The following AFG2A variants were observed in gnomAD, a reference collection of about 807,000 sequenced individuals.
AFG2A encodes AAA ATPase AFG2A, also known as ATPase family gene 2 protein homolog A.
At chr4:123,138,864 A>G in the AFG2A span, among the ~76,000 whole-genome samples, 2 of 152,066 alleles carry the variant, frequency 1.3e-5, no homozygotes, top group Non-Finnish European at 2.9e-5. Flanking sequence ...AGGATACCAG[A>G]GTTGAATAAA....
chr4:123,284,498 C>T, the AFG2A span, among the ~76,000 whole-genome samples: 3 of 152,154 alleles, frequency 2.0e-5, no homozygotes, highest in Non-Finnish European at 4.4e-5. Flanking sequence ...TTTTAGAATA[C>T]TTCTAGGTGT....
chr4:123,057,321 A>G, the AFG2A span: 31 of 1,563,194 alleles, frequency 2.0e-5, no homozygotes, highest in Non-Finnish European at 2.7e-5. Context: ...GCTATTACAT[A>G]ATAATATGAT....
the AFG2A span, among the ~76,000 whole-genome samples, chr4:123,061,449 G>T: frequency 1.4e-3 from 219 of 152,294 alleles, 4 homozygotes; most frequent in East Asian, 0.034. Context: ...GGAAGGTGAA[G>T]GAGGAACAAA....
At chr4:123,268,359 A>G in the AFG2A span, among the ~76,000 whole-genome samples, 1 of 152,198 alleles carries the variant, frequency 6.6e-6, no homozygotes, top group South Asian at 2.1e-4. Flanking sequence ...GTCTCCCAGA[A>G]AGTCAAACAA....
the AFG2A span, among the ~76,000 whole-genome samples, chr4:123,153,659 CCAATG>C: frequency 6.6e-6 from 1 of 151,710 alleles, no homozygotes; most frequent in Non-Finnish European, 1.5e-5. Flanking sequence ...ATAAAAAATA[CCAATG>C]CAACATGTAA....
At chr4:123,093,999 T>A in the AFG2A span, among the ~76,000 whole-genome samples, 1 of 152,146 alleles carries the variant, frequency 6.6e-6, no homozygotes, top group Non-Finnish European at 1.5e-5. Flanking sequence ...GGTTTGTAAG[T>A]TATGGTGTCT....
chr4:123,115,922 CAG>C, the AFG2A span, among the ~76,000 whole-genome samples: 8 of 152,226 alleles, frequency 5.3e-5, no homozygotes, highest in African/African-American at 1.2e-4. Context: ...TTTTTTGAGA[CAG>C]AGTCTTGTTC....
chr4:123,235,361 A>G, the AFG2A span, among the ~76,000 whole-genome samples: 1 of 152,200 alleles, frequency 6.6e-6, no homozygotes, highest in African/African-American at 2.4e-5. Context: ...AAGTGCTCAC[A>G]TAGTTTTTAC....
At chr4:123,219,872 A>ATT in the AFG2A span, among the ~76,000 whole-genome samples, 1 of 151,464 alleles carries the variant, frequency 6.6e-6, no homozygotes, top group African/African-American at 2.4e-5. Flanking sequence ...GTTGAAAAAA[A>ATT]ATTTTTTTTT....
the AFG2A span, among the ~76,000 whole-genome samples, chr4:123,266,502 A>T: frequency 6.6e-6 from 1 of 151,938 alleles, no homozygotes; most frequent in Non-Finnish European, 1.5e-5. Flanking sequence ...CATAGATTTT[A>T]TGAATACTCA....
the AFG2A span, among the ~76,000 whole-genome samples, chr4:123,309,430 G>A: frequency 6.6e-6 from 1 of 152,162 alleles, no homozygotes; most frequent in Non-Finnish European, 1.5e-5. Context: ...AATTCTGTCA[G>A]TGAGTACAGA....
the AFG2A span, among the ~76,000 whole-genome samples, chr4:123,078,099 A>C: frequency 6.6e-6 from 1 of 152,312 alleles, no homozygotes; most frequent in Non-Finnish European, 1.5e-5. Context: ...AGGCACTTGG[A>C]TAGGCATTGG....
chr4:123,256,088 A>G, the AFG2A span: 6 of 1,614,006 alleles, frequency 3.7e-6, no homozygotes, highest in Admixed American at 5.0e-5. Context: ...AAGAAGGGAA[A>G]TATTTAAGCT....
the AFG2A span, among the ~76,000 whole-genome samples, chr4:123,090,423 T>TA: frequency 6.6e-6 from 1 of 152,222 alleles, no homozygotes; most frequent in Non-Finnish European, 1.5e-5. Context: ...TGTTTTGAGA[T>TA]ATGATAATGC....
At chr4:122,995,270 A>C in the AFG2A span, among the ~76,000 whole-genome samples, 1 of 152,110 alleles carries the variant, frequency 6.6e-6, no homozygotes, top group South Asian at 2.1e-4. Flanking sequence ...AAATGCTATT[A>C]ATTCCATATT....
At chr4:123,304,576 G>A in the AFG2A span, among the ~76,000 whole-genome samples, 2 of 152,210 alleles carry the variant, frequency 1.3e-5, no homozygotes, top group South Asian at 2.1e-4. Context: ...ACAGGTCACA[G>A]GTGTTCCAGA....
the AFG2A span, among the ~76,000 whole-genome samples, chr4:123,284,944 T>G: frequency 6.6e-6 from 1 of 152,210 alleles, no homozygotes; most frequent in Non-Finnish European, 1.5e-5. Flanking sequence ...ATTTCATGTT[T>G]TACAACCACT....
At chr4:123,090,590 C>T in the AFG2A span, 3 of 1,613,724 alleles carry the variant, frequency 1.9e-6, no homozygotes, top group African/African-American at 4.0e-5. Context: ...TCTTTAGGTG[C>T]TGGGAATGTA....
At chr4:123,256,824 C>T in the AFG2A span, 1 of 983,406 alleles carries the variant, frequency 1.0e-6, no homozygotes. Context: ...CTCTCCTTAC[C>T]AACTCTTTAC....
Sources: allele counts gnomAD v4.1 joint callset (sites outside exome capture counted in the v4.1 genomes callset), GRCh38; gene constraint gnomAD v4.1.1; transcripts MANE v1.5; gene names NCBI Gene and HGNC (gene_info 2026-07-23, HGNC 2026-07-21).